IPMK: variants seen among roughly 807,000 people sequenced by gnomAD.
The protein encoded by IPMK is inositol polyphosphate multikinase.
IPMK carries 17 observed loss-of-function variants against 45.8 expected under a neutral mutation model. The observed-to-expected ratio is 0.37, with a 90% CI of 0.25 to 0.56. IPMK has a LOEUF of 0.56. IPMK is among the 20% of genes least tolerant of loss of function. The pLI is 0.79. For missense variants in IPMK, 399 were observed against 498.0 expected (o/e 0.80, Z 1.89); for synonymous variants, 180 against 184.3 (o/e 0.98, Z 0.19).
chr10:58,263,198 C>A lies in IPMK; in HGVS notation c.190+4224G>T, dbSNP rs558276180. 2.2e-4 allele frequency among the ~76,000 whole-genome samples: 33 copies of A among 152,132 alleles called. 1 individual carries two copies. Among genetic ancestry groups the A allele is most frequent in the Admixed American group, 1.0e-3 (16 of 15,284 alleles). ...GCCAGTAGTTCAAGACCAGCCTGGG[C>A]AACAAAGCCAGATCCCATCTCTACA... On this transcript the variant is annotated intron_variant, in intron 1 of 5. Coordinates refer to ENST00000373935, the MANE Select transcript of IPMK (RefSeq NM_152230.5).
chr10:58,238,449 T>C (rs1339588), intron 1 of IPMK, among the ~76,000 whole-genome samples: 51,137 of 151,706 alleles, frequency 0.34, 10,793 homozygotes, highest in African/African-American at 0.6. Context: ...TATGAAGTCA[T>C]CATATATATA....
chr10:58,265,707 T>TAAGG (rs1298371680), intron 1 of IPMK, among the ~76,000 whole-genome samples: 1 of 152,164 alleles, frequency 6.6e-6, no homozygotes, highest in Admixed American at 6.5e-5. Context: ...ATAATAAAAT[T>TAAGG]AAGGACTACT....
intron 3 of IPMK, among the ~76,000 whole-genome samples, chr10:58,220,373 T>C (rs1199648863): frequency 6.6e-6 from 1 of 152,198 alleles, no homozygotes; most frequent in Admixed American, 6.5e-5. Context: ...GAACTTTTCC[T>C]TGTTGCTTAA....
chr10:58,258,266 T>TGAC (rs1564541490), intron 1 of IPMK, among the ~76,000 whole-genome samples: 1 of 152,086 alleles, frequency 6.6e-6, no homozygotes, highest in African/African-American at 2.4e-5. Context: ...GCCAAGACTA[T>TGAC]GCCACTGCAC....
intron 1 of IPMK, among the ~76,000 whole-genome samples, chr10:58,246,277 T>C (rs1838798984): frequency 6.6e-6 from 1 of 151,012 alleles, no homozygotes. Context: ...TACCAATGAC[T>C]TTCTTCACAG....
chr10:58,255,158 T>TC (rs1017071767), intron 1 of IPMK, among the ~76,000 whole-genome samples: 31 of 152,200 alleles, frequency 2.0e-4, no homozygotes, highest in African/African-American at 7.0e-4. Context: ...CAACGTGGTT[T>TC]CCCAGGTGAT....
At chr10:58,227,306 CTA>C (rs1838433463) in intron 2 of IPMK, among the ~76,000 whole-genome samples, 167 bp from the exon 3 acceptor site, 1 of 129,226 alleles carries the variant, frequency 7.7e-6, no homozygotes, top group Non-Finnish European at 1.6e-5. Flanking sequence ...CAATGAGTAA[CTA>C]TGTATTTAGA....
At chr10:58,234,205 A>C (rs1368451810) in intron 2 of IPMK, among the ~76,000 whole-genome samples, 1 of 152,222 alleles carries the variant, frequency 6.6e-6, no homozygotes, top group Non-Finnish European at 1.5e-5. Context: ...GCTCATGGAC[A>C]GGAAGAATCA....
intron 1 of IPMK, among the ~76,000 whole-genome samples, chr10:58,246,245 T>A (rs1168090505): frequency 6.6e-6 from 1 of 150,734 alleles, no homozygotes; most frequent in East Asian, 2.0e-4. Context: ...AATTTACAGA[T>A]TCAATGCCAT....
chr10:58,200,891 G>C (rs1351511405), intron 4 of IPMK, among the ~76,000 whole-genome samples: 2 of 152,104 alleles, frequency 1.3e-5, no homozygotes, highest in East Asian at 3.8e-4. Context: ...TTTTTTACAG[G>C]CATAGAATGT....
chr10:58,246,029 A>G (rs1171690183), intron 1 of IPMK, among the ~76,000 whole-genome samples: 2 of 131,844 alleles, frequency 1.5e-5, no homozygotes, highest in Non-Finnish European at 3.1e-5. Flanking sequence ...AGAGAGCCAA[A>G]TCATGAGTGA....
chr10:58,197,679 A>AG lies in IPMK; in HGVS notation c.629-982_629-981insC, dbSNP rs1398576669. On this transcript the variant is annotated intron_variant, in intron 5 of 5. Transcript: ENST00000373935. ...AAAAAAGAAAAGAAAAGAAAAAAAA[A>AG]AAAAAGAAATAGGATTCAAGACTTG... 5.3e-3 allele frequency among the ~76,000 whole-genome samples: 798 copies of AG among 151,648 alleles called. 4 individuals carry two copies. The highest frequency in any genetic ancestry group is 0.018 in the African/African-American group (738 of 41,352).
At position 58,193,351 on chromosome 10, in the gene IPMK, C is replaced by A. The variant is rs186109311; in HGVS notation, c.*2725G>T. On this transcript the variant is annotated 3_prime_UTR_variant, in exon 6 of 6. Transcript: ENST00000373935. ...GTAGTGTAAAGAGGAAAAGTAAGTA[C>A]AATCTTTCCAGACACACAACTAATA... 1.3e-5 allele frequency: 2 copies of A among 151,830 alleles called. No individual in the cohort carries two copies. Among genetic ancestry groups the A allele is most frequent in the Admixed American group, 6.6e-5 (1 of 15,238 alleles). 9.4% of individuals were successfully genotyped at this position (151,830 alleles called of 1,614,324 possible).
chr10:58,264,000 C>A (rs1375659265), intron 1 of IPMK, among the ~76,000 whole-genome samples: 1 of 152,160 alleles, frequency 6.6e-6, no homozygotes, highest in East Asian at 1.9e-4. Flanking sequence ...TGGACCAGAT[C>A]CTGTACTGAG....
chr10:58,233,226 G>A (rs562854398), intron 2 of IPMK, among the ~76,000 whole-genome samples: 6 of 152,156 alleles, frequency 3.9e-5, no homozygotes, highest in East Asian at 1.9e-4. Flanking sequence ...ATTCACAGCC[G>A]AATTCTACCA....
At chr10:58,233,358 G>A (rs1374211594) in intron 2 of IPMK, among the ~76,000 whole-genome samples, 2 of 152,014 alleles carry the variant, frequency 1.3e-5, no homozygotes, top group Non-Finnish European at 2.9e-5. Flanking sequence ...GCCTGGCAGA[G>A]ACACAACAAA....
At chr10:58,211,228 G>A (rs1166940582) in intron 4 of IPMK, among the ~76,000 whole-genome samples, 1 of 149,456 alleles carries the variant, frequency 6.7e-6, no homozygotes, top group Non-Finnish European at 1.5e-5. Flanking sequence ...GTCTCGCTCT[G>A]TCACCCAGGC....
rs1400159090 is a variant in IPMK, at chr10:58,237,790, G to A, written c.215C>T (p.Thr72Ile). Residue 72 changes from threonine to isoleucine, a missense_variant, in exon 2 of 6, where the codon ACA (threonine) becomes ATA (isoleucine). Thr to Ile is a moderately conservative substitution (Grantham distance 89). Around this residue, in one of 2 missense-constraint regions of IPMK, gnomAD observed 288 missense variants for 398.0 expected, o/e 0.72. Coordinates refer to ENST00000373935, the MANE Select transcript of IPMK (RefSeq NM_152230.5). ...AGGTGGTTGTAACTGTTTCAAAACTGTGCCATCTGGATGTTGCAGTATACC... is the reference window on the plus strand; with the variant it reads ...AGGTGGTTGTAACTGTTTCAAAACTATGCCATCTGGATGTTGCAGTATACC... Reference protein sequence around the residue: ...KVGILQHPDGTVLKQLQPPPR... With the variant: ...KVGILQHPDGIVLKQLQPPPR... 1 of 1,613,526 alleles carries A rather than the reference G, an allele frequency of 6.2e-7. No individual in the cohort carries two copies. The highest frequency in any genetic ancestry group is 8.5e-7 in the Non-Finnish European group (1 of 1,179,674).
chr10:58,251,634 A>G (rs1239538670), intron 1 of IPMK, among the ~76,000 whole-genome samples: 1 of 152,108 alleles, frequency 6.6e-6, no homozygotes, highest in Non-Finnish European at 1.5e-5. Flanking sequence ...AGGTCCACTA[A>G]TATGTTTTAT....
Sources: gnomAD v4.1 joint callset for allele counts (sites outside exome capture counted in the v4.1 genomes callset) on GRCh38, gnomAD v4.1.1 for gene constraint, gnomAD v4.1.1 regional missense constraint, MANE v1.5 for transcripts, NCBI Gene and HGNC (gene_info 2026-07-23, HGNC 2026-07-21) for gene names.